PAPOLG: variants seen among roughly 807,000 people sequenced by gnomAD.
PAPOLG encodes poly(A) polymerase gamma.
A neutral mutation model predicts 99.0 loss-of-function variants in PAPOLG; 40 were observed. The ratio of observed to expected loss-of-function variants is 0.40; its 90% CI spans 0.31 to 0.53. PAPOLG has a LOEUF of 0.53. PAPOLG is among the 20% of genes least tolerant of loss of function. The pLI is 0.41. For synonymous variants in PAPOLG, 310 were observed against 299.3 expected (o/e 1.04, Z -0.37); for missense variants, 675 against 884.1 (o/e 0.76, Z 3.00).
intron 15 of PAPOLG, among the ~76,000 whole-genome samples, chr2:60,787,859 C>T (rs1006057339): frequency 2.0e-5 from 3 of 152,128 alleles, no homozygotes; most frequent in African/African-American, 7.2e-5. Context: ...CGAGACCAGC[C>T]TGGCTAATAC....
chr2:60,777,960 T>C (rs1179284757), intron 8 of PAPOLG, among the ~76,000 whole-genome samples: 1 of 152,174 alleles, frequency 6.6e-6, no homozygotes, highest in Non-Finnish European at 1.5e-5. Context: ...TGAAAAAGTT[T>C]GAAATATTGT....
At position 60,797,222 on chromosome 2, in the gene PAPOLG, G is replaced by GTT; in HGVS notation, c.*67_*68dup. 6.4e-7 allele frequency: 1 copy of GTT among 1,572,090 alleles called. No homozygotes were observed. The highest frequency in any genetic ancestry group is 8.7e-7 in the Non-Finnish European group (1 of 1,144,038). ...TTTAGTGGCATAGATGCAGCCACTT[G>GTT]TTTTTTAAATAGAAGTGGCTGTCAT... On this transcript the variant is annotated 3_prime_UTR_variant, in exon 22 of 22. Transcript: ENST00000238714.
intron 20 of PAPOLG, 29 bp downstream of exon 20, chr2:60,794,804 T>A (rs1422132012): frequency 2.5e-6 from 4 of 1,570,166 alleles, no homozygotes; most frequent in Non-Finnish European, 3.5e-6. Context: ...TGCTTCAGAA[T>A]ATTTATTGTA....
intron 15 of PAPOLG, among the ~76,000 whole-genome samples, chr2:60,790,606 T>C (rs984376070): frequency 8.5e-5 from 13 of 152,254 alleles, no homozygotes; most frequent in African/African-American, 2.9e-4. Flanking sequence ...AATCTAGGGC[T>C]GTGTGGATTC....
At chr2:60,781,242 A>T (rs1293851051) in intron 10 of PAPOLG, among the ~76,000 whole-genome samples, 2 of 152,162 alleles carry the variant, frequency 1.3e-5, no homozygotes, top group African/African-American at 4.8e-5. Context: ...CTGTAGTTCC[A>T]GCTACTCTGG....
rs1476626966 is a variant in PAPOLG, at chr2:60,766,371, C to T, written c.247-2099C>T. Among the ~76,000 whole-genome samples, 6 of 151,998 alleles carry T rather than the reference C, an allele frequency of 3.9e-5. No individual in the cohort carries two copies. The East Asian group carries it at 5.8e-4, about 15-fold the overall frequency. ...GTGAACTTCTAAAAGTGGATGATAC[C>T]GATAGCCAGAAGCTGGACATGGTGG... On this transcript the variant is annotated intron_variant, in intron 3 of 21. Coordinates refer to ENST00000238714, the MANE Select transcript of PAPOLG (RefSeq NM_022894.4).
chr2:60,756,404 C>G lies in PAPOLG; in HGVS notation c.-75C>G. 6.3e-7 allele frequency: 1 copy of G among 1,599,050 alleles called. No individual in the cohort carries two copies. The highest frequency in any genetic ancestry group is 8.6e-7 in the Non-Finnish European group (1 of 1,166,864). Reference sequence around the variant, plus strand: ...CTACTAGCGACCGGAGGAAAGTGAACAGGGGGAGAAGGGAACAGCAAGAAC... The same window carrying G: ...CTACTAGCGACCGGAGGAAAGTGAAGAGGGGGAGAAGGGAACAGCAAGAAC... On this transcript the variant is annotated 5_prime_UTR_variant, in exon 1 of 22. Coordinates refer to ENST00000238714, the MANE Select transcript of PAPOLG (RefSeq NM_022894.4).
intron 15 of PAPOLG, among the ~76,000 whole-genome samples, chr2:60,788,514 G>A (rs1031821246): frequency 6.6e-6 from 1 of 152,088 alleles, no homozygotes; most frequent in African/African-American, 2.4e-5. Context: ...TAGAGACGGA[G>A]TTTCACCATG....
At chr2:60,782,280 T>C (rs1671211836) in intron 11 of PAPOLG, among the ~76,000 whole-genome samples, 1 of 152,112 alleles carries the variant, frequency 6.6e-6, no homozygotes, top group South Asian at 2.1e-4. Flanking sequence ...CTCAAGAGTT[T>C]GGTGGGCCGG....
intron 15 of PAPOLG, among the ~76,000 whole-genome samples, chr2:60,791,196 T>C (rs1339501771): frequency 6.6e-6 from 1 of 152,222 alleles, no homozygotes; most frequent in Non-Finnish European, 1.5e-5. Flanking sequence ...TTTTTAAATA[T>C]ATTTATTCTA....
chr2:60,768,829 C>T lies in PAPOLG; in HGVS notation c.377C>T (p.Ser126Phe). The T allele has an allele frequency of 6.2e-7, 1 of 1,601,282 alleles. No homozygotes were observed. The change falls in exon 5 of 22, where the codon TCT (serine) becomes TTT (phenylalanine). Residue 126 changes from serine to phenylalanine, a missense_variant. Physicochemically the swap from Ser to Phe is radical, Grantham distance 155 (BLOSUM62 -2). Coordinates refer to ENST00000238714, the MANE Select transcript of PAPOLG (RefSeq NM_022894.4). ...LCVAPRHVER[S>F]DFFQSFFEKL... is the part of the protein sequence containing the mutation. ...GTAGCTCCAAGACATGTGGAAAGAT[C>T]TGATTTTTTTCAGTCTTTTTTTGAA...
chr2:60,782,826 T>A, intron 12 of PAPOLG, 56 bp downstream of exon 12: 2 of 1,504,884 alleles, frequency 1.3e-6, no homozygotes, highest in Middle Eastern at 1.8e-4. Context: ...TAAAGAAGAA[T>A]GTTAAACATA....
At chr2:60,756,829 C>G (rs1360649716) in intron 1 of PAPOLG, among the ~76,000 whole-genome samples, 10 of 152,196 alleles carry the variant, frequency 6.6e-5, no homozygotes, top group African/African-American at 2.4e-4. Flanking sequence ...CTGAGCCCGT[C>G]TGCTCCTGTC....
intron 21 of PAPOLG, among the ~76,000 whole-genome samples, chr2:60,796,031 T>G (rs1671685337): frequency 6.6e-6 from 1 of 152,118 alleles, no homozygotes; most frequent in African/African-American, 2.4e-5. Context: ...TTTTGGCATT[T>G]AAGTCCTTAT....
intron 7 of PAPOLG, among the ~76,000 whole-genome samples, chr2:60,774,256 G>A (rs1283284140): frequency 6.6e-6 from 1 of 151,466 alleles, no homozygotes; most frequent in Admixed American, 6.6e-5. Context: ...TGTTTCTTTT[G>A]CACCATCAGT....
At chr2:60,786,623 G>A (rs1671370156) in intron 13 of PAPOLG, among the ~76,000 whole-genome samples, 1 of 152,034 alleles carries the variant, frequency 6.6e-6, no homozygotes, top group Non-Finnish European at 1.5e-5. Context: ...CCACCTCCCA[G>A]TTTCACGTGA....
chr2:60,781,184 CCT>C (rs1671177131), intron 10 of PAPOLG, among the ~76,000 whole-genome samples: 1 of 151,956 alleles, frequency 6.6e-6, no homozygotes, highest in African/African-American at 2.4e-5. Context: ...GGTGAAACCC[CCT>C]CTCTACTGAA....
chr2:60,783,262 T>TTATA, intron 13 of PAPOLG, 53 bp downstream of exon 13: 1 of 1,094,874 alleles, frequency 9.1e-7, no homozygotes, highest in Non-Finnish European at 1.3e-6. Context: ...AGTAACTTAT[T>TTATA]TATATGGTGC....
Position 60,756,308 on chromosome 2 carries a change from T to G in PAPOLG, c.-171T>G. On this transcript the variant is annotated 5_prime_UTR_variant, in exon 1 of 22. Transcript: ENST00000238714. ...GCTGTATTGTCATAAATAGAGCCGG[T>G]TTTGTGGTGTTTTCACTACTCGGTT... The G allele has an allele frequency of 4.1e-5, 31 of 754,514 alleles. No individual in the cohort carries two copies. Among genetic ancestry groups the G allele is most frequent in the Non-Finnish European group, 4.8e-5 (21 of 436,246 alleles). The allele number at this position is 754,514 out of a possible 1,614,324, so 46.7% of individuals were successfully genotyped here. A position where few individuals can be genotyped will look rare whatever the true frequency, so the allele number is the denominator to read the frequency against.
Sources: gnomAD v4.1 joint callset for allele counts (sites outside exome capture counted in the v4.1 genomes callset) on GRCh38, gnomAD v4.1.1 for gene constraint, MANE v1.5 for transcripts, NCBI Gene and HGNC (gene_info 2026-07-23, HGNC 2026-07-21) for gene names.